The following ECSCR variants were observed in gnomAD, a reference collection of about 807,000 sequenced individuals.
ECSCR encodes the protein endothelial cell-specific chemotaxis regulator.
A neutral mutation model predicts 16.7 loss-of-function variants in ECSCR; 12 were observed. The observed-to-expected ratio is 0.72, with a 90% CI of 0.46 to 1.17. ECSCR has a LOEUF of 1.17. Among genes scored for constraint, ECSCR ranks in the 50% most tolerant of loss-of-function variants. The pLI, the probability that ECSCR is intolerant of heterozygous loss-of-function variation, is 0.00. For missense variants in ECSCR, 122 were observed against 116.1 expected, an observed-to-expected ratio of 1.05 and a Z score of -0.23; for synonymous variants, 44 against 42.2, an observed-to-expected ratio of 1.04 and a Z score of -0.17.
intron 8 of ECSCR, among the ~76,000 whole-genome samples, chr5:139,452,267 T>TGGTGTATGC (rs1751073675): frequency 3.5e-5 from 1 of 28,930 alleles, no homozygotes. Flanking sequence ...GGTATATGTG[T>TGGTGTATGC]ATAGTGTGGG....
chr5:139,458,298 C>T, intron 1 of ECSCR, 115 bp from the exon 2 acceptor site: 4 of 941,706 alleles, frequency 4.2e-6, no homozygotes, highest in South Asian at 3.3e-5. Flanking sequence ...AAGACCCTGT[C>T]TCTAAAAAAA....
chr5:139,458,307 A>G, intron 1 of ECSCR, 124 bp from the exon 2 acceptor site: 1 of 933,670 alleles, frequency 1.1e-6, no homozygotes, highest in Non-Finnish European at 1.6e-6. Flanking sequence ...TCTCTAAAAA[A>G]AAATTTTGTT....
intron 8 of ECSCR, among the ~76,000 whole-genome samples, chr5:139,450,290 A>C (rs1456061951): frequency 1.3e-5 from 2 of 152,004 alleles, no homozygotes; most frequent in Non-Finnish European, 2.9e-5. Context: ...ATCACTTGAG[A>C]CCAGGAGTTT....
At chr5:139,460,332 C>G (rs974758292) in intron 1 of ECSCR, among the ~76,000 whole-genome samples, 1 of 152,080 alleles carries the variant, frequency 6.6e-6, no homozygotes, top group African/African-American at 2.4e-5. Context: ...GATGGGGTTT[C>G]ACCATGTTGG....
In ECSCR at chr5:139,462,570, G is replaced by A. The variant is rs373347841; in HGVS notation, c.61+40C>T. ...ACCGATGCCTAGAATGGCCAGCTGC[G>A]GAGAGGAATTGCCATGGGAAAGCGG... On this transcript the variant is annotated intron_variant, in intron 1 of 9. Coordinates refer to ENST00000618155, the MANE Select transcript of ECSCR (RefSeq NM_001077693.4). 7.4e-4 allele frequency: 1,159 copies of A among 1,567,440 alleles called. 2 individuals are homozygous for A. The highest frequency in any genetic ancestry group is 9.0e-4 in the South Asian group (77 of 85,280).
intron 8 of ECSCR, among the ~76,000 whole-genome samples, chr5:139,450,146 G>A (rs547219638): frequency 6.6e-6 from 1 of 152,082 alleles, no homozygotes; most frequent in South Asian, 2.1e-4. Flanking sequence ...ACCCACCTTG[G>A]CCTCCCAAAG....
At chr5:139,458,207 A>G (rs1385408598) in intron 1 of ECSCR, 24 bp from the exon 2 acceptor site, 1 of 1,549,010 alleles carries the variant, frequency 6.5e-7, no homozygotes, top group Admixed American at 2.0e-5. Flanking sequence ...CAAAACACAT[A>G]GCTTGGTAAG....
At position 139,462,740 on chromosome 5, in the gene ECSCR, G is replaced by A; in HGVS notation, c.-70C>T. The A allele has an allele frequency of 1.4e-6, 1 of 714,578 alleles. No individual in the cohort carries two copies. The highest frequency in any genetic ancestry group is 2.2e-6 in the Non-Finnish European group (1 of 449,164). The allele number at this position is 714,578 out of a possible 1,614,324, so 44.3% of individuals were successfully genotyped here. A position where few individuals can be genotyped will look rare whatever the true frequency, so the allele number is the denominator to read the frequency against. Reference sequence around the variant, plus strand: ...CTGTCCATAGTGGAGAAGAGAGAGGGAGTGCTGGGGCGGGATGGGGGTGGG... The same window carrying A: ...CTGTCCATAGTGGAGAAGAGAGAGGAAGTGCTGGGGCGGGATGGGGGTGGG... On this transcript the variant is annotated 5_prime_UTR_variant, in exon 1 of 10. Coordinates refer to ENST00000618155, the MANE Select transcript of ECSCR (RefSeq NM_001077693.4).
intron 1 of ECSCR, among the ~76,000 whole-genome samples, chr5:139,459,130 A>G: frequency 6.6e-6 from 1 of 152,152 alleles, no homozygotes; most frequent in Non-Finnish European, 1.5e-5. Context: ...AGGACAGAAG[A>G]TCAATGACCT....
intron 4 of ECSCR, among the ~76,000 whole-genome samples, chr5:139,457,335 G>A (rs1456771601): frequency 6.6e-6 from 1 of 152,158 alleles, no homozygotes; most frequent in Non-Finnish European, 1.5e-5. Context: ...TGGCCCCCGA[G>A]TCTGAAGTGA....
chr5:139,454,388 T>C (rs1401435039), intron 8 of ECSCR, among the ~76,000 whole-genome samples: 1 of 139,970 alleles, frequency 7.1e-6, no homozygotes, highest in Non-Finnish European at 1.6e-5. Flanking sequence ...TGTAGTGAAG[T>C]GTAGGGTGTG....
At chr5:139,455,490 T>C (rs1751137310) in intron 5 of ECSCR, 54 bp from the exon 6 acceptor site, 4 of 396,480 alleles carry the variant, frequency 1.0e-5, no homozygotes, top group Non-Finnish European at 1.8e-5. Context: ...ACAGGGAAGC[T>C]AGAGCTAGCT....
Position 139,458,325 on chromosome 5 carries a change from G to T in ECSCR, c.62-142C>A, listed in dbSNP as rs796490046. 5.3e-3 allele frequency: 2,906 copies of T among 546,518 alleles called. 27 individuals are homozygous for T. The highest frequency in any genetic ancestry group is 0.037 in the African/African-American group (1,739 of 47,416). 33.9% of individuals were successfully genotyped at this position (546,518 alleles called of 1,614,324 possible). On this transcript the variant is annotated intron_variant, in intron 1 of 9. Transcript: ENST00000618155. ...CTAAAAAAAAATTTTGTTTTGTTTT[G>T]TTTTTTTTTTTTTTTTAAATTCTCC...
intron 1 of ECSCR, among the ~76,000 whole-genome samples, chr5:139,462,263 G>T (rs1404737449): frequency 1.3e-5 from 2 of 152,156 alleles, no homozygotes; most frequent in African/African-American, 4.8e-5. Context: ...CCTGCCCCAA[G>T]ATCAGAGGGT....
intron 5 of ECSCR, 61 bp downstream of exon 5, chr5:139,456,413 G>C (rs1020074243): frequency 2.5e-6 from 1 of 398,308 alleles, no homozygotes; most frequent in East Asian, 3.6e-5. Flanking sequence ...GATAAGACGA[G>C]AGAAAGGGTC....
At chr5:139,450,381 G>A (rs1427319365) in intron 8 of ECSCR, among the ~76,000 whole-genome samples, 1 of 151,558 alleles carries the variant, frequency 6.6e-6, no homozygotes, top group Non-Finnish European at 1.5e-5. Flanking sequence ...GCACATGCCT[G>A]TAGTCCCAGC....
Position 139,448,879 on chromosome 5 carries a change from C to T in ECSCR, c.*21G>A. On this transcript the variant is annotated 3_prime_UTR_variant, in exon 10 of 10. Transcript: ENST00000618155. ...AGGGCAGCTGCATCATCCTTGGACTCATGGGGACCCAAAGTTGCTTTTAAA... is the reference window on the plus strand; with the variant it reads ...AGGGCAGCTGCATCATCCTTGGACTTATGGGGACCCAAAGTTGCTTTTAAA... 1 of 1,537,230 alleles carries T rather than the reference C, an allele frequency of 6.5e-7. No homozygotes were observed. The highest frequency in any genetic ancestry group is 8.7e-7 in the Non-Finnish European group (1 of 1,146,894).
In ECSCR at chr5:139,457,757, C is replaced by T. The variant is rs1157095102; in HGVS notation, c.157G>A (p.Gly53Arg). The T allele has an allele frequency of 2.5e-6, 4 of 1,613,066 alleles. No individual in the cohort carries two copies. In the South Asian group the frequency reaches 3.3e-5, roughly 13 times the overall value. Residue 53 changes from glycine to arginine, a missense_variant and splice_region_variant, in exon 3 of 10, where the codon GGA becomes AGA. Transcript: ENST00000618155. ...GACCTCAGCAACCACACTCACTCACCTGGGTTGGAAGAAACTGGCTCTGTG... is the reference window on the plus strand; with the variant it reads ...GACCTCAGCAACCACACTCACTCACTTGGGTTGGAAGAAACTGGCTCTGTG... ...LTTEPVSSNPGYIPSSEANRP... is the reference protein window; with the variant it reads ...LTTEPVSSNPRYIPSSEANRP...
In ECSCR at chr5:139,453,933, GGTGTGTATGAGAT is replaced by G. The variant is rs1346510682; in HGVS notation, c.512+656_512+668del. Among the ~76,000 whole-genome samples the G allele has an allele frequency of 1.5e-3, 230 of 149,322 alleles. No individual in the cohort carries two copies. The Middle Eastern group carries it at 0.025, about 16-fold the overall frequency. On this transcript the variant is annotated intron_variant, in intron 8 of 9. Coordinates refer to ENST00000618155, the MANE Select transcript of ECSCR (RefSeq NM_001077693.4). ...AAGGTGTGTGGTGTGTGGTATGTGGGGTGTGTATGAGATGTGTGGGTGTGTGTGTAGTGTGGGA... is the reference window on the plus strand; with the variant it reads ...AAGGTGTGTGGTGTGTGGTATGTGGGGTGTGGGTGTGTGTGTAGTGTGGGA...
Sources: gnomAD v4.1 joint callset for allele counts (sites outside exome capture counted in the v4.1 genomes callset) on GRCh38, gnomAD v4.1.1 for gene constraint, MANE v1.5 for transcripts, NCBI Gene and HGNC (gene_info 2026-07-23, HGNC 2026-07-21) for gene names.